Variants in RYR2 observed in about 807,000 individuals in gnomAD.
RYR2 encodes cardiac muscle ryanodine receptor-calcium release channel.
In RYR2, 227 loss-of-function variants were observed where a neutral mutation model predicts 601.1. The observed-to-expected ratio is 0.38, with a 90% CI of 0.34 to 0.42. RYR2 has a LOEUF of 0.42. Ranked by LOEUF, RYR2 falls within the 10% of genes least tolerant of loss-of-function variation. The pLI, the probability that RYR2 is intolerant of heterozygous loss-of-function variation, is 1.00. For missense variants in RYR2, 4,646 were observed against 6,156.5 expected, an observed-to-expected ratio of 0.75 and a Z score of 8.21; for synonymous variants, 2,223 against 2,175.1, an observed-to-expected ratio of 1.02 and a Z score of -0.61.
chr1:237,110,292 T>C (rs1447458037), intron 1 of RYR2, among the ~76,000 whole-genome samples: 1 of 151,896 alleles, frequency 6.6e-6, no homozygotes, highest in Non-Finnish European at 1.5e-5. Flanking sequence ...TTTTAAAAGT[T>C]TTAGGGTACA....
chr1:237,755,033 A>G (rs962363732), intron 80 of RYR2: 1 of 1,279,318 alleles, frequency 7.8e-7, no homozygotes, highest in East Asian at 5.6e-5. Flanking sequence ...TGTGACAAAA[A>G]AAACCCTGAT....
intron 90 of RYR2, 179 bp downstream of exon 90, chr1:237,785,151 T>C (rs1034746057): frequency 1.6e-6 from 1 of 623,558 alleles, no homozygotes; most frequent in African/African-American, 1.8e-5. Flanking sequence ...TTATGAATTA[T>C]TAAATTATCT....
At chr1:237,520,594 G>T (rs1004254792) in intron 24 of RYR2, among the ~76,000 whole-genome samples, 1 of 152,062 alleles carries the variant, frequency 6.6e-6, no homozygotes. Context: ...CAGTTTTTGC[G>T]ACGTATCACA....
Position 237,784,381 on chromosome 1 carries a change from G to A in RYR2, c.12669G>A (p.Lys4223=), listed in dbSNP as rs147887477. 124 of 1,613,976 alleles carry A rather than the reference G, an allele frequency of 7.7e-5. No individual in the cohort carries two copies. The East Asian group carries it at 2.8e-3, about 36-fold the overall frequency. ...ERSANKEESE[K]ERPEEQGPRM... is the part of the protein sequence containing the mutation. ...CAGCGAATAAGGAAGAAAGCGAGAAGGAGAGGCCGGAAGAGCAGGGGCCGA... is the reference window on the plus strand; with the variant it reads ...CAGCGAATAAGGAAGAAAGCGAGAAAGAGAGGCCGGAAGAGCAGGGGCCGA... The change falls in exon 90 of 105, where the codon AAG becomes AAA. Residue 4223 remains lysine (K), a synonymous_variant. Transcript: ENST00000366574. The surrounding 1 kb of genome is among the most constrained non-coding windows in gnomAD (Gnocchi z 7.1).
chr1:237,389,618 G>A (rs960552555), intron 10 of RYR2, among the ~76,000 whole-genome samples: 2 of 152,118 alleles, frequency 1.3e-5, no homozygotes, highest in East Asian at 3.9e-4. Flanking sequence ...TGGGTTTAGG[G>A]GAGAACTAGA....
intron 2 of RYR2, among the ~76,000 whole-genome samples, chr1:237,294,613 C>T (rs1692570501): frequency 6.6e-6 from 1 of 152,062 alleles, no homozygotes; most frequent in South Asian, 2.1e-4. Flanking sequence ...TTTGATTAAT[C>T]AGATACATTT....
At chr1:237,071,189 C>T (rs540857457) in intron 1 of RYR2, among the ~76,000 whole-genome samples, 27 of 152,042 alleles carry the variant, frequency 1.8e-4, no homozygotes, top group African/African-American at 4.6e-4. Context: ...GTCTTCCTGA[C>T]GAGTGTGCGA....
intron 35 of RYR2, among the ~76,000 whole-genome samples, chr1:237,605,080 G>A (rs1361740830): frequency 2.6e-5 from 4 of 152,094 alleles, no homozygotes; most frequent in Non-Finnish European, 4.4e-5. Flanking sequence ...TATGAGGCCA[G>A]CATCATCCTG....
At chr1:237,661,201 A>G (rs539479764) in intron 56 of RYR2, among the ~76,000 whole-genome samples, 21 of 152,068 alleles carry the variant, frequency 1.4e-4, no homozygotes, top group African/African-American at 5.1e-4. Context: ...GTTGTAGGAC[A>G]TGGATGAAGC....
chr1:237,406,456 T>C (rs574582952), intron 10 of RYR2, among the ~76,000 whole-genome samples: 2 of 151,938 alleles, frequency 1.3e-5, no homozygotes, highest in East Asian at 3.9e-4. Flanking sequence ...CTGTTGTTTT[T>C]ACGAAAGAAT....
intron 33 of RYR2, 105 bp from the exon 34 acceptor site, chr1:237,595,393 T>A: frequency 7.4e-7 from 1 of 1,343,122 alleles, no homozygotes; most frequent in Non-Finnish European, 1.0e-6. Flanking sequence ...CATTACAGCA[T>A]GAGCTTGTTG....
rs150111609 is a variant in RYR2 at position 237,186,458 on chromosome 1, A to G, written c.49-84039A>G. On this transcript the variant is annotated intron_variant, in intron 1 of 104. Coordinates refer to ENST00000366574, the MANE Select transcript of RYR2 (RefSeq NM_001035.3). ...CTTAGTGTCTGTTTAACTGGACTCA[A>G]TTGAACACCTGGAGCTGTGTATTGA... 5.4e-3 allele frequency among the ~76,000 whole-genome samples: 829 copies of G among 152,316 alleles called. 7 individuals are homozygous for G. The highest frequency in any genetic ancestry group is 0.03 in the South Asian group (143 of 4,828).
chr1:237,482,530 G>T (rs944364481), intron 17 of RYR2, among the ~76,000 whole-genome samples: 1 of 152,086 alleles, frequency 6.6e-6, no homozygotes, highest in Non-Finnish European at 1.5e-5. Context: ...CAAATGACTG[G>T]ATCACATTCT....
chr1:237,609,134 A>G (rs1677507913), intron 35 of RYR2, among the ~76,000 whole-genome samples: 1 of 104,342 alleles, frequency 9.6e-6, no homozygotes, highest in African/African-American at 3.5e-5. Flanking sequence ...GCTCACTACA[A>G]CCTCTCTCTC....
intron 38 of RYR2, 80 bp downstream of exon 38, chr1:237,617,566 ACT>A: frequency 7.8e-7 from 1 of 1,283,188 alleles, no homozygotes; most frequent in Non-Finnish European, 1.1e-6. Flanking sequence ...AAATTATATA[ACT>A]CACACGTCTT....
intron 48 of RYR2, among the ~76,000 whole-genome samples, chr1:237,645,285 A>G (rs1305782130): frequency 1.3e-5 from 2 of 152,194 alleles, no homozygotes; most frequent in African/African-American, 2.4e-5. Context: ...TTGAACGCCC[A>G]TTATAGCTTT....
chr1:237,376,084 C>T (rs984580591), intron 7 of RYR2, among the ~76,000 whole-genome samples: 1 of 152,042 alleles, frequency 6.6e-6, no homozygotes. Flanking sequence ...TGATGTATCC[C>T]AGCTACTAAA....
chr1:237,759,941 A>G, intron 83 of RYR2, 89 bp downstream of exon 83: 2 of 805,058 alleles, frequency 2.5e-6, no homozygotes, highest in Non-Finnish European at 4.3e-6. Context: ...AATTGCACAT[A>G]GAAGAATAGT....
intron 1 of RYR2, among the ~76,000 whole-genome samples, chr1:237,148,071 C>T (rs370716983): frequency 6.6e-6 from 1 of 152,242 alleles, no homozygotes; most frequent in East Asian, 1.9e-4. Flanking sequence ...CAAGTTCCAC[C>T]GCATGTCGTG....
Sources: allele counts gnomAD v4.1 joint callset (sites outside exome capture counted in the v4.1 genomes callset), GRCh38; gene constraint gnomAD v4.1.1; non-coding constraint Gnocchi (gnomAD v3.1); transcripts MANE v1.5; gene names NCBI Gene and HGNC (gene_info 2026-07-23, HGNC 2026-07-21).